NANOG: variants seen among roughly 807,000 people sequenced by gnomAD.
The protein encoded by NANOG is Nanog homeobox.
NANOG carries 2 observed loss-of-function variants against 17.7 expected under a neutral mutation model. The observed-to-expected ratio is 0.11, with a 90% confidence interval of 0.05 to 0.36. The LOEUF (loss-of-function observed/expected upper bound fraction) is 0.36. NANOG is among the 10% of genes least tolerant of loss of function. The pLI is 1.00. For synonymous variants in NANOG, 81 were observed against 124.7 expected (o/e 0.65, Z 2.33); for missense variants, 174 against 362.1 (o/e 0.48, Z 4.22).
rs1862921656 is a variant in NANOG at position 7,795,756 on chromosome 12, A to G, written c.*661A>G. 6.9e-6 allele frequency: 1 copy of G among 144,568 alleles called. No homozygotes were observed. The highest frequency in any genetic ancestry group is 2.5e-5 in the African/African-American group (1 of 39,856). 9.0% of individuals were successfully genotyped at this position (144,568 alleles called of 1,614,324 possible). A position where few individuals can be genotyped will look rare whatever the true frequency, so the allele number is the denominator to read the frequency against. On this transcript the variant is annotated 3_prime_UTR_variant, in exon 4 of 4. Coordinates refer to ENST00000229307, the MANE Select transcript of NANOG (RefSeq NM_024865.4). ...ATACAAGTACAAATTGGTGATGAAG[A>G]TGTATTCGTATTGTTTGGGATTGGG...
intron 3 of NANOG, 54 bp from the exon 4 acceptor site, chr12:7,794,625 A>T: frequency 1.9e-6 from 3 of 1,611,068 alleles, no homozygotes; most frequent in South Asian, 2.2e-5. Flanking sequence ...CTCCAGTCAC[A>T]GACAGTTCTG....
chr12:7,790,649 G>A (rs538585047), intron 1 of NANOG, among the ~76,000 whole-genome samples: 8 of 152,180 alleles, frequency 5.3e-5, no homozygotes, highest in African/African-American at 9.7e-5. Flanking sequence ...CTTAAAAAGC[G>A]CATTTACATT....
chr12:7,790,882 A>G (rs759900751), intron 1 of NANOG, among the ~76,000 whole-genome samples: 2 of 152,152 alleles, frequency 1.3e-5, no homozygotes, highest in South Asian at 4.1e-4. Flanking sequence ...TACTAGGACA[A>G]GAGGCGTGTG....
chr12:7,792,916 T>C (rs1326364011), intron 1 of NANOG, 34 bp from the exon 2 acceptor site: 21 of 1,551,624 alleles, frequency 1.4e-5, no homozygotes, highest in Non-Finnish European at 1.8e-5. Context: ...TGAAAAATTT[T>C]AGACAAAAGT....
Position 7,798,915 on chromosome 12 carries a change from A to G in NANOG, c.*3820A>G, listed in dbSNP as rs1361122238. ...TTGACTCAAGGGGGAGATGAAGGGA[A>G]TTTGTTAAAGAAAGAAGTCACTGGG... On this transcript the variant is annotated 3_prime_UTR_variant, in exon 4 of 4. Coordinates refer to ENST00000229307, the MANE Select transcript of NANOG (RefSeq NM_024865.4). The G allele has an allele frequency of 2.0e-5, 3 of 148,572 alleles. No individual in the cohort carries two copies. The highest frequency in any genetic ancestry group is 4.4e-5 in the Non-Finnish European group (3 of 67,460). The allele number at this position is 148,572 out of a possible 1,614,324, so 9.2% of individuals were successfully genotyped here. A position where few individuals can be genotyped will look rare whatever the true frequency, so the allele number is the denominator to read the frequency against.
intron 1 of NANOG, among the ~76,000 whole-genome samples, chr12:7,792,490 C>A (rs1471975731): frequency 2.0e-5 from 3 of 152,122 alleles, no homozygotes; most frequent in Non-Finnish European, 2.9e-5. Flanking sequence ...CATTGAGAAA[C>A]CCTGTCTCTA....
chr12:7,798,031 GATCT>G lies in NANOG; in HGVS notation c.*2939_*2942del, dbSNP rs1283209046. 1.3e-5 allele frequency: 2 copies of G among 151,988 alleles called. No individual in the cohort carries two copies. Among genetic ancestry groups the G allele is most frequent in the Middle Eastern group, 3.4e-3 (1 of 296 alleles). 9.4% of individuals were successfully genotyped at this position (151,988 alleles called of 1,614,324 possible). A position where few individuals can be genotyped will look rare whatever the true frequency, so the allele number is the denominator to read the frequency against. On this transcript the variant is annotated 3_prime_UTR_variant, in exon 4 of 4. Coordinates refer to ENST00000229307, the MANE Select transcript of NANOG (RefSeq NM_024865.4). ...ACCTCTTGGCAGGTAAGAATTTAGA[GATCT>G]ATTTGGAATAATCTTTAAAGTAACA...
In NANOG at chr12:7,798,261, C is replaced by A. The variant is rs1181151386; in HGVS notation, c.*3166C>A. 3 of 152,200 alleles carry A rather than the reference C, an allele frequency of 2.0e-5. No homozygotes were observed. The highest frequency in any genetic ancestry group is 2.9e-5 in the Non-Finnish European group (2 of 68,056). 9.4% of individuals were successfully genotyped at this position (152,200 alleles called of 1,614,324 possible). ...AGGTCTTGGTTTGCGCCTGTAATCT[C>A]AGCTACTTGGAAGGCGGAGGCAGGA... On this transcript the variant is annotated 3_prime_UTR_variant, in exon 4 of 4. Coordinates refer to ENST00000229307, the MANE Select transcript of NANOG (RefSeq NM_024865.4).
intron 2 of NANOG, 39 bp downstream of exon 2, chr12:7,793,251 T>C (rs202120932): frequency 3.1e-6 from 5 of 1,603,180 alleles, no homozygotes; most frequent in Non-Finnish European, 4.3e-6. Flanking sequence ...TGAACAAAAA[T>C]TGGACTAATT....
At chr12:7,791,676 G>A (rs1255946634) in intron 1 of NANOG, among the ~76,000 whole-genome samples, 1 of 152,178 alleles carries the variant, frequency 6.6e-6, no homozygotes. Context: ...AGGTATATAA[G>A]TGATGACTAA....
In NANOG at chr12:7,789,561, A is replaced by G; in HGVS notation, c.-54A>G. ...CCAGAAAAGTCTTAAAGCTGCCTTA[A>G]CCTTTTTTCCAGTCCACCTCTTAAA... On this transcript the variant is annotated 5_prime_UTR_variant, in exon 1 of 4. An upstream open reading frame in the 5' UTR loses its in-frame stop. Transcript: ENST00000229307. The G allele has an allele frequency of 3.2e-6, 5 of 1,545,472 alleles. No individual in the cohort carries two copies. Among genetic ancestry groups the G allele is most frequent in the South Asian group, 1.1e-5 (1 of 88,844 alleles).
At chr12:7,790,756 CTT>C (rs893306213) in intron 1 of NANOG, among the ~76,000 whole-genome samples, 3 of 151,520 alleles carry the variant, frequency 2.0e-5, no homozygotes, top group African/African-American at 7.3e-5. Context: ...TGCTTTTCCT[CTT>C]TTTTAGAATC....
intron 3 of NANOG, 41 bp downstream of exon 3, chr12:7,794,584 T>G (rs780488589): frequency 8.3e-5 from 133 of 1,603,730 alleles, no homozygotes; most frequent in Non-Finnish European, 1.1e-4. Context: ...TTCAGTGATC[T>G]TTCAATCTTG....
In NANOG at chr12:7,789,427, A is replaced by T; in HGVS notation, c.-188A>T. On this transcript the variant is annotated 5_prime_UTR_variant, in exon 1 of 4. Coordinates refer to ENST00000229307, the MANE Select transcript of NANOG (RefSeq NM_024865.4). ...ATAAATCTAGAGACTCCAGGATTTT[A>T]ACGTTCTGCTGGACTGAGCTGGTTG... The T allele has an allele frequency of 1.7e-6, 1 of 599,372 alleles. No individual in the cohort carries two copies. Among genetic ancestry groups the T allele is most frequent in the Non-Finnish European group, 2.9e-6 (1 of 339,060 alleles). 37.1% of individuals were successfully genotyped at this position (599,372 alleles called of 1,614,324 possible). A position where few individuals can be genotyped will look rare whatever the true frequency, so the allele number is the denominator to read the frequency against.
intron 2 of NANOG, 53 bp downstream of exon 2, chr12:7,793,265 A>G (rs940804759): frequency 8.9e-6 from 14 of 1,573,772 alleles, no homozygotes; most frequent in East Asian, 2.2e-5. Flanking sequence ...ACTAATTTGC[A>G]TGGCTAAGAC....
In NANOG at chr12:7,794,546, A is replaced by C; in HGVS notation, c.501+3A>C. 6.2e-7 allele frequency: 1 copy of C among 1,613,140 alleles called. No homozygotes were observed. The highest frequency in any genetic ancestry group is 8.5e-7 in the Non-Finnish European group (1 of 1,179,540). ...AGAATAGCAATGGTGTGACGCAGGT[A>C]ACAGGAAACTTCATTCTGTTCTTTC... On this transcript the variant is annotated splice_donor_region_variant and intron_variant, in intron 3 of 3. Transcript: ENST00000229307.
Position 7,789,757 on chromosome 12 carries a change from C to T in NANOG, c.143C>T (p.Thr48Met), listed in dbSNP as rs765555487. 37 of 1,613,278 alleles carry T rather than the reference C, an allele frequency of 2.3e-5. No individual in the cohort carries two copies. The highest frequency in any genetic ancestry group is 6.6e-5 in the South Asian group (6 of 91,080). The change falls in exon 1 of 4, where the codon ACG (threonine) becomes ATG (methionine). Residue 48 changes from threonine (T) to methionine (M), a missense_variant. Around this residue, in one of 2 missense-constraint regions of NANOG, gnomAD observed 158 missense variants for 244.2 expected, o/e 0.65. Transcript: ENST00000229307. ...ATGTCTTCTGCTGAGATGCCTCACA[C>T]GGAGACTGGTAAGAAAGAAATTTAT... ...LQMSSAEMPHTETVSPLPSSM... is the reference protein window; with the variant it reads ...LQMSSAEMPHMETVSPLPSSM...
Position 7,798,420 on chromosome 12 carries a change from C to T in NANOG, c.*3325C>T, listed in dbSNP as rs998810285. The stretch of plus-strand genomic sequence containing the variant: ...TAGGCAAAAAGGATAGTACAAGGCT[C>T]TCTGTTTAACATTTCTTCCTTTCTC... On this transcript the variant is annotated 3_prime_UTR_variant, in exon 4 of 4. Coordinates refer to ENST00000229307, the MANE Select transcript of NANOG (RefSeq NM_024865.4). 4 of 152,290 alleles carry T rather than the reference C, an allele frequency of 2.6e-5. No homozygotes were observed. Among genetic ancestry groups the T allele is most frequent in the Non-Finnish European group, 4.4e-5 (3 of 68,034 alleles). 9.4% of individuals were successfully genotyped at this position (152,290 alleles called of 1,614,324 possible).
intron 1 of NANOG, among the ~76,000 whole-genome samples, chr12:7,790,349 A>T (rs11055767): frequency 6.6e-6 from 1 of 152,084 alleles, no homozygotes; most frequent in African/African-American, 2.4e-5. Flanking sequence ...CCCATGTCTA[A>T]TTCTCCTAAG....
Sources: gnomAD v4.1 joint callset for allele counts (sites outside exome capture counted in the v4.1 genomes callset) on GRCh38, gnomAD v4.1.1 for gene constraint, gnomAD v4.1.1 regional missense constraint, MANE v1.5 for transcripts, NCBI Gene and HGNC (gene_info 2026-07-23, HGNC 2026-07-21) for gene names.